The following CPEB1 variants were observed in gnomAD, a reference collection of about 807,000 sequenced individuals.
CPEB1 encodes the protein cytoplasmic polyadenylation element-binding protein 1.
A neutral mutation model predicts 65.8 loss-of-function variants in CPEB1; 7 were observed. The ratio of observed to expected loss-of-function variants is 0.11; its 90% CI spans 0.06 to 0.20. The LOEUF (loss-of-function observed/expected upper bound fraction) is 0.20, where lower values mean the gene tolerates loss of function less well. CPEB1 is among the 10% of genes least tolerant of loss of function. The pLI is 1.00. For missense variants in CPEB1, 551 were observed against 712.2 expected, an observed-to-expected ratio of 0.77 and a Z score of 2.58; for synonymous variants, 262 against 260.0, an observed-to-expected ratio of 1.01 and a Z score of -0.08.
At chr15:82,594,683 C>T (rs1339487640) in intron 3 of CPEB1, among the ~76,000 whole-genome samples, 4 of 152,196 alleles carry the variant, frequency 2.6e-5, no homozygotes, top group Non-Finnish European at 4.4e-5. Context: ...AGAGGCCTAA[C>T]TTTCGGCCTA....
intron 10 of CPEB1, 90 bp downstream of exon 10, chr15:82,549,370 C>T (rs2035846401): frequency 7.3e-7 from 1 of 1,378,720 alleles, no homozygotes; most frequent in Non-Finnish European, 1.0e-6. Context: ...TGGGTCAGGC[C>T]TCTCTCCTCA....
chr15:82,621,106 G>A (rs1358755750), intron 3 of CPEB1, among the ~76,000 whole-genome samples: 1 of 152,206 alleles, frequency 6.6e-6, no homozygotes, highest in Non-Finnish European at 1.5e-5. Flanking sequence ...AGATGGGACT[G>A]AATGTATTAA....
chr15:82,595,491 TAA>T (rs1239045717), intron 3 of CPEB1, among the ~76,000 whole-genome samples: 2 of 152,188 alleles, frequency 1.3e-5, no homozygotes, highest in African/African-American at 4.8e-5. Flanking sequence ...CTACCAGGTG[TAA>T]AGAGGCTCCA....
chr15:82,644,760 C>A (rs749216872), intron 1 of CPEB1, among the ~76,000 whole-genome samples: 1 of 152,168 alleles, frequency 6.6e-6, no homozygotes, highest in Non-Finnish European at 1.5e-5. Context: ...CCTCTGGCCC[C>A]TATAGGGTTT....
intron 8 of CPEB1, among the ~76,000 whole-genome samples, chr15:82,553,248 G>A (rs912603237): frequency 1.3e-5 from 2 of 152,194 alleles, no homozygotes; most frequent in Admixed American, 1.3e-4. Context: ...AACTCCCACT[G>A]CTGTGTAAGT....
intron 1 of CPEB1, among the ~76,000 whole-genome samples, chr15:82,646,681 G>A (rs1156833359): frequency 9.9e-5 from 15 of 152,228 alleles, no homozygotes; most frequent in Admixed American, 9.8e-4. Flanking sequence ...GGTCAACGCG[G>A]GGCCGCTCAC....
chr15:82,627,127 C>T, intron 3 of CPEB1, 66 bp downstream of exon 3: 1 of 1,274,830 alleles, frequency 7.8e-7, no homozygotes, highest in Non-Finnish European at 1.1e-6. Flanking sequence ...AGACCTCTTA[C>T]ATGCACTACT....
intron 1 of CPEB1, chr15:82,637,855 A>G: frequency 5.8e-6 from 2 of 345,276 alleles, no homozygotes; most frequent in Non-Finnish European, 1.2e-5. Context: ...ATTACTCAAG[A>G]GCTTTTTGTG....
At chr15:82,597,470 G>A (rs753469501) in intron 3 of CPEB1, among the ~76,000 whole-genome samples, 31 of 152,152 alleles carry the variant, frequency 2.0e-4, no homozygotes, top group Non-Finnish European at 3.8e-4. Context: ...TTACAGAAGC[G>A]AGAAACAAAG....
Position 82,559,711 on chromosome 15 carries a change from A to C in CPEB1, c.461-1725T>G, listed in dbSNP as rs575400584. ...TTGAAGCAGTTTTCAAAGCTCTAAA[A>C]TTTAACTGTATGCTAAAACTAAGTG... On this transcript the variant is annotated intron_variant, in intron 4 of 12. Coordinates refer to ENST00000684509, the MANE Select transcript of CPEB1 (RefSeq NM_001365242.1). Among the ~76,000 whole-genome samples, 5 of 152,374 alleles carry C rather than the reference A, an allele frequency of 3.3e-5. No homozygotes were observed. The South Asian group carries it at 1.0e-3, about 32-fold the overall frequency.
intron 3 of CPEB1, among the ~76,000 whole-genome samples, chr15:82,584,921 T>A (rs1009574158): frequency 6.8e-6 from 1 of 147,320 alleles, no homozygotes; most frequent in Non-Finnish European, 1.5e-5. Context: ...TTTTTTTTTT[T>A]TACAGTGAAC....
At chr15:82,599,331 G>A (rs2042916779) in intron 3 of CPEB1, among the ~76,000 whole-genome samples, 1 of 151,988 alleles carries the variant, frequency 6.6e-6, no homozygotes, top group Non-Finnish European at 1.5e-5. Context: ...TAGTACTAGA[G>A]GATAATTAAA....
rs916270850 is a variant in CPEB1 at position 82,543,491 on chromosome 15, A to C, written c.*1101T>G. The C allele has an allele frequency of 1.4e-5, 2 of 147,954 alleles. No individual in the cohort carries two copies. Among genetic ancestry groups the C allele is most frequent in the Admixed American group, 1.4e-4 (2 of 14,808 alleles). The allele number at this position is 147,954 out of a possible 1,614,324, so 9.2% of individuals were successfully genotyped here. Reference sequence around the variant, plus strand: ...AAAAAAAAAAAAAAAAAAAGGAAAGAAAAAAAAGTCAAGTTTTCAAATTCC... The same window carrying C: ...AAAAAAAAAAAAAAAAAAAGGAAAGCAAAAAAAGTCAAGTTTTCAAATTCC... On this transcript the variant is annotated 3_prime_UTR_variant, in exon 13 of 13. Transcript: ENST00000684509.
intron 4 of CPEB1, among the ~76,000 whole-genome samples, chr15:82,564,272 GT>G (rs887642814): frequency 2.0e-5 from 3 of 149,412 alleles, no homozygotes; most frequent in Admixed American, 2.0e-4. Context: ...GGACACAATG[GT>G]TTTTTTTGTT....
chr15:82,547,918 C>T (rs2035551349), intron 10 of CPEB1, among the ~76,000 whole-genome samples: 1 of 152,118 alleles, frequency 6.6e-6, no homozygotes, highest in African/African-American at 2.4e-5. Flanking sequence ...AACGATCTGC[C>T]CCACCTCGGC....
Position 82,562,378 on chromosome 15 carries a change from C to G in CPEB1, c.461-4392G>C, listed in dbSNP as rs556867476. The G allele has an allele frequency of 4.0e-5, 13 of 321,954 alleles. No homozygotes were observed. In the East Asian group the frequency reaches 1.1e-3, roughly 26 times the overall value. 19.9% of individuals were successfully genotyped at this position (321,954 alleles called of 1,614,324 possible). On this transcript the variant is annotated intron_variant, in intron 4 of 12. Coordinates refer to ENST00000684509, the MANE Select transcript of CPEB1 (RefSeq NM_001365242.1). Reference sequence around the variant, plus strand: ...ATGCATTTTGGGTCCCACCCCAGACCTGAATCAGAATCTGCATTTTTAAAA... The same window carrying G: ...ATGCATTTTGGGTCCCACCCCAGACGTGAATCAGAATCTGCATTTTTAAAA...
At chr15:82,585,365 A>T (rs186438189) in intron 3 of CPEB1, among the ~76,000 whole-genome samples, 95 of 152,386 alleles carry the variant, frequency 6.2e-4, no homozygotes, top group African/African-American at 2.2e-3. Context: ...TTTCAGCGGC[A>T]AAGTCTGGAC....
intron 3 of CPEB1, chr15:82,573,349 C>A: frequency 1.7e-6 from 1 of 595,774 alleles, no homozygotes; most frequent in Non-Finnish European, 2.8e-6. Context: ...TTCATCATGG[C>A]AAAGGCCTAG....
At chr15:82,621,376 C>T (rs1022804834) in intron 3 of CPEB1, among the ~76,000 whole-genome samples, 9 of 151,068 alleles carry the variant, frequency 6.0e-5, no homozygotes, top group African/African-American at 1.7e-4. Context: ...AATCCCAGCA[C>T]TTTGGGAGGC....
Sources: allele counts gnomAD v4.1 joint callset (sites outside exome capture counted in the v4.1 genomes callset), GRCh38; gene constraint gnomAD v4.1.1; transcripts MANE v1.5; gene names NCBI Gene and HGNC (gene_info 2026-07-23, HGNC 2026-07-21).